Variants in CLMN observed in about 807,000 individuals in gnomAD.
CLMN encodes the protein calmin (calponin-like, transmembrane).
CLMN carries 57 observed loss-of-function variants against 92.7 expected under a neutral mutation model. The ratio of observed to expected loss-of-function variants is 0.61; its 90% CI spans 0.50 to 0.77. The LOEUF is 0.77. Among genes scored for constraint, CLMN ranks in the 30% least tolerant of loss-of-function variants. The pLI, the probability that CLMN is intolerant of heterozygous loss-of-function variation, is 0.00. For synonymous variants in CLMN, 466 were observed against 470.6 expected (o/e 0.99, Z 0.13); for missense variants, 1,158 against 1,237.5 (o/e 0.94, Z 0.96).
chr14:95,194,510 G>A lies in CLMN; in HGVS notation c.2769+26C>T. 6.2e-7 allele frequency: 1 copy of A among 1,614,160 alleles called. No homozygotes were observed. Among genetic ancestry groups the A allele is most frequent in the Non-Finnish European group, 8.5e-7 (1 of 1,179,996 alleles). Reference sequence around the variant, plus strand: ...GGAATTGATTAGCAGGGGCCGTGCGGAAAGAGAAGAAATTCACATACTAAC... The same window carrying A: ...GGAATTGATTAGCAGGGGCCGTGCGAAAAGAGAAGAAATTCACATACTAAC... On this transcript the variant is annotated intron_variant, in intron 11 of 12. Transcript: ENST00000298912. This position sits in a 1 kb window ranked among gnomAD's most constrained non-coding sequence, Gnocchi z 4.0.
At chr14:95,257,407 C>A (rs1019527852) in intron 1 of CLMN, among the ~76,000 whole-genome samples, 7 of 152,228 alleles carry the variant, frequency 4.6e-5, no homozygotes, top group East Asian at 3.9e-4. Context: ...TTGACATAGA[C>A]CCTGCAGGAG....
At chr14:95,260,733 G>T (rs1342416875) in intron 1 of CLMN, 2 of 152,216 alleles carry the variant, frequency 1.3e-5, no homozygotes, top group Non-Finnish European at 2.9e-5. Context: ...ACCATGGGAG[G>T]CTTCCTGGTG....
At chr14:95,228,911 G>C (rs1897795256) in intron 2 of CLMN, among the ~76,000 whole-genome samples, 1 of 152,206 alleles carries the variant, frequency 6.6e-6, no homozygotes, top group Non-Finnish European at 1.5e-5. Flanking sequence ...CTGACCTCAA[G>C]TGATCTACCT....
In CLMN at chr14:95,203,210, G is replaced by A. The variant is rs558232479; in HGVS notation, c.2139C>T (p.Ser713=). 6.2e-7 allele frequency: 1 copy of A among 1,613,628 alleles called. No individual in the cohort carries two copies. The highest frequency in any genetic ancestry group is 2.2e-5 in the East Asian group (1 of 44,880). Residue 713 remains serine, a synonymous_variant, in exon 9 of 13, where the codon TCC becomes TCT. Transcript: ENST00000298912. The part of the protein sequence containing the change: ...HSEEGLDFKP[S]PPLSKVSVIP... The stretch of plus-strand genomic sequence containing the variant: ...TGACGGAAACCTTTGAGAGGGGTGG[G>A]GAGGGCTTGAAATCCAGGCCTTCTT...
chr14:95,204,721 T>C (rs543025725), intron 8 of CLMN, among the ~76,000 whole-genome samples: 6 of 152,306 alleles, frequency 3.9e-5, no homozygotes, highest in African/African-American at 1.4e-4. Context: ...ACCATGTTTT[T>C]TAAAAAGCTA....
rs1900733168 is a variant in CLMN, at chr14:95,294,621, T to C, written c.82+25090A>G. Among the ~76,000 whole-genome samples, 1 of 152,168 alleles carries C rather than the reference T, an allele frequency of 6.6e-6. No homozygotes were observed. The highest frequency in any genetic ancestry group is 1.5e-5 in the Non-Finnish European group (1 of 68,026). ...AGAAAAGGGCACTTATTTTCAGGTG[T>C]GATGGTGAGGATTAGGATAAATCCC... is the stretch of plus-strand genomic sequence containing the variant. On this transcript the variant is annotated intron_variant, in intron 1 of 12. Transcript: ENST00000298912. This position sits in a 1 kb window ranked among gnomAD's most constrained non-coding sequence, Gnocchi z 4.2.
chr14:95,233,934 C>T (rs902519485), intron 1 of CLMN, among the ~76,000 whole-genome samples: 3 of 152,206 alleles, frequency 2.0e-5, no homozygotes, highest in African/African-American at 7.2e-5. Context: ...AGAAGGACCC[C>T]AGGGGACCCT....
Position 95,275,101 on chromosome 14 carries a change from G to A in CLMN, c.82+44610C>T, listed in dbSNP as rs897746140. Among the ~76,000 whole-genome samples, 6 of 152,002 alleles carry A rather than the reference G, an allele frequency of 3.9e-5. 1 individual carries two copies. The highest frequency in any genetic ancestry group is 2.4e-5 in the African/African-American group (1 of 41,442). ...CCAAGAAAGGCATCTCACAGATGAC[G>A]CAGATTAAAAATCCCAGACTCAGGG... On this transcript the variant is annotated intron_variant, in intron 1 of 12. Coordinates refer to ENST00000298912, the MANE Select transcript of CLMN (RefSeq NM_024734.4).
intron 1 of CLMN, among the ~76,000 whole-genome samples, chr14:95,281,597 T>TA (rs973797678): frequency 3.3e-5 from 5 of 152,196 alleles, no homozygotes; most frequent in African/African-American, 4.8e-5. Context: ...ATAGGTAATG[T>TA]AAAAAATCTA....
At chr14:95,265,786 A>C (rs996861990) in intron 1 of CLMN, among the ~76,000 whole-genome samples, 2 of 152,250 alleles carry the variant, frequency 1.3e-5, no homozygotes, top group Admixed American at 1.3e-4. Flanking sequence ...AGAAAGAGGA[A>C]GGGCCTCCTA....
At chr14:95,316,597 A>G (rs540067824) in intron 1 of CLMN, among the ~76,000 whole-genome samples, 18 of 152,344 alleles carry the variant, frequency 1.2e-4, no homozygotes, top group African/African-American at 4.1e-4. Flanking sequence ...CATTGCATGG[A>G]TTTCAGAATC....
chr14:95,193,094 G>C, intron 12 of CLMN: 1 of 478,986 alleles, frequency 2.1e-6, no homozygotes, highest in Non-Finnish European at 3.7e-6. Flanking sequence ...TCCGATTCCA[G>C]TAATCTAAAT....
intron 1 of CLMN, among the ~76,000 whole-genome samples, chr14:95,277,871 C>A (rs1180823129): frequency 2.6e-5 from 4 of 152,242 alleles, no homozygotes; most frequent in African/African-American, 9.6e-5. Flanking sequence ...AGGTCATCCA[C>A]CTGCCTTGGC....
chr14:95,239,137 G>A (rs1464762289), intron 1 of CLMN, among the ~76,000 whole-genome samples: 1 of 152,202 alleles, frequency 6.6e-6, no homozygotes, highest in Non-Finnish European at 1.5e-5. Context: ...GCAGGCCAGG[G>A]TGACAGGACC....
At chr14:95,290,786 C>G (rs1900534123) in intron 1 of CLMN, among the ~76,000 whole-genome samples, 1 of 152,206 alleles carries the variant, frequency 6.6e-6, no homozygotes, top group African/African-American at 2.4e-5. Context: ...CCTTATGGTG[C>G]TTTCAGCTCC....
In CLMN at chr14:95,183,882, A is replaced by T. The variant is rs1896381142; in HGVS notation, c.*7682T>A. Reference sequence around the variant, plus strand: ...CTTTAGCTTCCTTTCCGAAATAAACACCTCCCACGATTGTTCTAAGGGTCA... The same window carrying T: ...CTTTAGCTTCCTTTCCGAAATAAACTCCTCCCACGATTGTTCTAAGGGTCA... On this transcript the variant is annotated 3_prime_UTR_variant, in exon 13 of 13. Coordinates refer to ENST00000298912, the MANE Select transcript of CLMN (RefSeq NM_024734.4). 6.6e-6 allele frequency: 1 copy of T among 152,058 alleles called. No individual in the cohort carries two copies. The highest frequency in any genetic ancestry group is 2.4e-5 in the African/African-American group (1 of 41,396). 9.4% of individuals were successfully genotyped at this position (152,058 alleles called of 1,614,324 possible).
chr14:95,233,390 T>C (rs1219970207), intron 1 of CLMN, among the ~76,000 whole-genome samples: 1 of 151,876 alleles, frequency 6.6e-6, no homozygotes, highest in Non-Finnish European at 1.5e-5. Context: ...TATCCAACCA[T>C]CCATTTATCC....
intron 1 of CLMN, among the ~76,000 whole-genome samples, chr14:95,299,129 C>A (rs915950406): frequency 3.9e-5 from 6 of 152,230 alleles, no homozygotes; most frequent in African/African-American, 1.4e-4. Flanking sequence ...CCTGTTAGCA[C>A]ATGGTCTAAT....
chr14:95,294,558 C>T lies in CLMN; in HGVS notation c.82+25153G>A, dbSNP rs1900730744. ...TCCCTCACCTGTCCCTTCCGAGTCA[C>T]ATGATCTTGGGAAGTTACCTCCTGG... On this transcript the variant is annotated intron_variant, in intron 1 of 12. Transcript: ENST00000298912. The surrounding 1 kb of genome is among the most constrained non-coding windows in gnomAD (Gnocchi z 4.2). 6.6e-6 allele frequency among the ~76,000 whole-genome samples: 1 copy of T among 152,218 alleles called. No homozygotes were observed. Among genetic ancestry groups the T allele is most frequent in the Non-Finnish European group, 1.5e-5 (1 of 68,042 alleles).
Sources: allele counts gnomAD v4.1 joint callset (sites outside exome capture counted in the v4.1 genomes callset), GRCh38; gene constraint gnomAD v4.1.1; non-coding constraint Gnocchi (gnomAD v3.1); transcripts MANE v1.5; gene names NCBI Gene and HGNC (gene_info 2026-07-23, HGNC 2026-07-21).